Variants in NRG3 observed in about 807,000 individuals in gnomAD.
NRG3 encodes neuregulin 3.
NRG3 carries 31 observed loss-of-function variants against 66.9 expected under a neutral mutation model. That is an observed-to-expected ratio of 0.46 (90% CI 0.35 to 0.63). NRG3 has a LOEUF of 0.63. NRG3 is among the 20% of genes least tolerant of loss of function. The probability of loss-of-function intolerance (pLI) is 0.00; values close to 1 mark genes in which losing one functional copy is unlikely to be tolerated. For missense variants in NRG3, 910 were observed against 878.9 expected, an observed-to-expected ratio of 1.04 and a Z score of -0.45; for synonymous variants, 393 against 359.4, an observed-to-expected ratio of 1.09 and a Z score of -1.06.
At position 82,038,679 on chromosome 10, in the gene NRG3, G is replaced by C. The variant is rs574869452; in HGVS notation, c.823+162516G>C. Among the ~76,000 whole-genome samples, 22 of 152,238 alleles carry C rather than the reference G, an allele frequency of 1.4e-4. No individual in the cohort carries two copies. In the South Asian group the frequency reaches 4.1e-3, roughly 29 times the overall value. On this transcript the variant is annotated intron_variant, in intron 1 of 8. Transcript: ENST00000372141. The stretch of plus-strand genomic sequence containing the variant: ...AAAAGGAACTTCTGGCCAGAGCCTA[G>C]TGGTAGTTAATCCCAGTGACCCAGC...
chr10:81,976,110 C>T (rs2060116513), intron 1 of NRG3, among the ~76,000 whole-genome samples: 2 of 152,168 alleles, frequency 1.3e-5, no homozygotes, highest in Non-Finnish European at 2.9e-5. Context: ...TTTTAATTTA[C>T]CACTAAGTTT....
chr10:82,247,342 G>A (rs1386228974), intron 1 of NRG3, among the ~76,000 whole-genome samples: 1 of 152,146 alleles, frequency 6.6e-6, no homozygotes, highest in Non-Finnish European at 1.5e-5. Context: ...AGGTTCCTGT[G>A]TGGGCTCTCT....
At chr10:82,443,227 A>G (rs886265608) in intron 2 of NRG3, among the ~76,000 whole-genome samples, 1 of 151,406 alleles carries the variant, frequency 6.6e-6, no homozygotes, top group African/African-American at 2.4e-5. Flanking sequence ...TTTTTTCTCC[A>G]TTGTGATATC....
intron 2 of NRG3, among the ~76,000 whole-genome samples, chr10:82,425,944 G>A (rs1263347349): frequency 6.6e-6 from 1 of 152,126 alleles, no homozygotes; most frequent in Non-Finnish European, 1.5e-5. Context: ...ACAAACCTGT[G>A]ATTAGATCTG....
intron 6 of NRG3, among the ~76,000 whole-genome samples, chr10:82,962,398 A>C (rs1850742758): frequency 6.6e-6 from 1 of 152,204 alleles, no homozygotes; most frequent in African/African-American, 2.4e-5. Context: ...AAATATTCAC[A>C]ATTGAAAAAT....
intron 2 of NRG3, among the ~76,000 whole-genome samples, chr10:82,531,857 A>G (rs1847304536): frequency 6.6e-6 from 1 of 151,898 alleles, no homozygotes; most frequent in African/African-American, 2.4e-5. Context: ...GTATATTTCT[A>G]AATGTTGACT....
chr10:82,544,453 C>A (rs1230056244), intron 2 of NRG3, among the ~76,000 whole-genome samples: 1 of 152,202 alleles, frequency 6.6e-6, no homozygotes, highest in Non-Finnish European at 1.5e-5. Context: ...TATGTAACAT[C>A]CTCCCAATCA....
At chr10:82,721,094 G>A (rs111852121) in intron 2 of NRG3, among the ~76,000 whole-genome samples, 5,195 of 93,296 alleles carry the variant, frequency 0.056, 369 homozygotes, top group African/African-American at 0.18. Flanking sequence ...TTGTTTGTTT[G>A]TTTATTTATT....
intron 4 of NRG3, among the ~76,000 whole-genome samples, chr10:82,878,813 T>C (rs1197392248): frequency 6.6e-6 from 1 of 152,210 alleles, no homozygotes; most frequent in East Asian, 1.9e-4. Context: ...CATGAAACTT[T>C]TTAATGGATT....
At chr10:82,281,440 A>T (rs562582602) in intron 1 of NRG3, among the ~76,000 whole-genome samples, 11 of 152,264 alleles carry the variant, frequency 7.2e-5, no homozygotes, top group Non-Finnish European at 1.6e-4. Flanking sequence ...GATAAGATGT[A>T]TTGGCCCGGA....
chr10:82,728,951 A>T (rs979559656), intron 2 of NRG3, among the ~76,000 whole-genome samples: 46 of 151,986 alleles, frequency 3.0e-4, no homozygotes, highest in Admixed American at 2.5e-3. Context: ...TATTGGATGT[A>T]TTTACAAGGA....
At chr10:82,774,494 G>A (rs750978371) in intron 3 of NRG3, among the ~76,000 whole-genome samples, 9 of 151,832 alleles carry the variant, frequency 5.9e-5, no homozygotes, top group Non-Finnish European at 1.3e-4. Context: ...ATTCAATCTT[G>A]GTAGGCTGTA....
chr10:82,358,608 C>A, intron 1 of NRG3, 131 bp from the exon 2 acceptor site: 2 of 1,212,444 alleles, frequency 1.6e-6, no homozygotes, highest in Non-Finnish European at 2.4e-6. Context: ...AGGGTTGGAG[C>A]TGTCTGTCTA....
intron 1 of NRG3, among the ~76,000 whole-genome samples, chr10:82,025,666 T>C (rs1310483059): frequency 2.6e-5 from 4 of 152,140 alleles, no homozygotes; most frequent in Non-Finnish European, 5.9e-5. Flanking sequence ...AAGTTTTGTT[T>C]TGGTTGACGA....
At chr10:82,688,788 A>G (rs972170285) in intron 2 of NRG3, among the ~76,000 whole-genome samples, 18 of 151,786 alleles carry the variant, frequency 1.2e-4, no homozygotes, top group Non-Finnish European at 1.8e-4. Flanking sequence ...AAAAGAAAAG[A>G]AAAGAAAATG....
rs116268740 is a variant in NRG3 at position 82,378,414 on chromosome 10, C to G, written c.953+19546C>G. ...GATTCACTTTCACCATGTGGCAATG[C>G]AGAAGCAGCTGGGTTGTTCTCCAAG... On this transcript the variant is annotated intron_variant, in intron 2 of 8. Transcript: ENST00000372141. Among the ~76,000 whole-genome samples, 336 of 152,324 alleles carry G rather than the reference C, an allele frequency of 2.2e-3. 1 individual carries two copies. The highest frequency in any genetic ancestry group is 7.5e-3 in the African/African-American group (310 of 41,574).
intron 2 of NRG3, among the ~76,000 whole-genome samples, chr10:82,716,077 A>G (rs12268988): frequency 0.23 from 35,337 of 152,172 alleles, 4,384 homozygotes; most frequent in Middle Eastern, 0.35. Context: ...ACAAACATTC[A>G]TTCCATAATA....
At chr10:82,778,172 G>A (rs1203197306) in intron 3 of NRG3, among the ~76,000 whole-genome samples, 1 of 152,136 alleles carries the variant, frequency 6.6e-6, no homozygotes, top group African/African-American at 2.4e-5. Flanking sequence ...TCTCTGCTGG[G>A]TGGGAGCACA....
At chr10:82,804,235 A>T (rs971248798) in intron 3 of NRG3, among the ~76,000 whole-genome samples, 1 of 152,206 alleles carries the variant, frequency 6.6e-6, no homozygotes, top group Non-Finnish European at 1.5e-5. Context: ...CTTAATAAGG[A>T]AAGAAAAAAT....
Sources: gnomAD v4.1 joint callset for allele counts (sites outside exome capture counted in the v4.1 genomes callset) on GRCh38, gnomAD v4.1.1 for gene constraint, MANE v1.5 for transcripts, NCBI Gene and HGNC (gene_info 2026-07-23, HGNC 2026-07-21) for gene names.